CCDC6: variants seen among roughly 807,000 people sequenced by gnomAD.
CCDC6 encodes the protein coiled-coil domain containing 6.
Under a neutral mutation model 56.6 loss-of-function variants are expected in CCDC6, and 20 were observed. The ratio of observed to expected loss-of-function variants is 0.35; its 90% CI spans 0.25 to 0.51. The LOEUF is 0.51. CCDC6 is among the 20% of genes least tolerant of loss of function. The pLI is 0.95. For synonymous variants in CCDC6, 241 were observed against 234.4 expected, an observed-to-expected ratio of 1.03 and a Z score of -0.26; for missense variants, 367 against 601.1, an observed-to-expected ratio of 0.61 and a Z score of 4.07.
chr10:59,902,022 CA>C (rs1430711747), intron 1 of CCDC6, among the ~76,000 whole-genome samples: 19 of 152,162 alleles, frequency 1.2e-4, no homozygotes, highest in Non-Finnish European at 2.1e-4. Context: ...AATAATCACT[CA>C]AAATATTCTA....
intron 5 of CCDC6, among the ~76,000 whole-genome samples, chr10:59,809,689 AG>A (rs1289350430): frequency 6.6e-6 from 1 of 152,168 alleles, no homozygotes; most frequent in African/African-American, 2.4e-5. Flanking sequence ...CCAATATAGT[AG>A]GCCCTCACTT....
At chr10:59,872,184 C>T (rs2071235402) in intron 1 of CCDC6, among the ~76,000 whole-genome samples, 1 of 152,218 alleles carries the variant, frequency 6.6e-6, no homozygotes, top group Non-Finnish European at 1.5e-5. Flanking sequence ...ACCTATCTCA[C>T]TGATGTGCCA....
chr10:59,858,614 A>G (rs982163480), intron 1 of CCDC6, among the ~76,000 whole-genome samples: 19 of 152,212 alleles, frequency 1.2e-4, no homozygotes, highest in Non-Finnish European at 2.1e-4. Context: ...CCCCATCTGC[A>G]GTGGACAGAC....
intron 1 of CCDC6, among the ~76,000 whole-genome samples, chr10:59,877,564 C>T (rs558968660): frequency 6.6e-6 from 1 of 152,300 alleles, no homozygotes; most frequent in Non-Finnish European, 1.5e-5. Flanking sequence ...ATGTGGCCAT[C>T]TGAGGGAAGG....
chr10:59,894,318 G>T (rs1022543803), intron 1 of CCDC6, among the ~76,000 whole-genome samples: 1 of 152,162 alleles, frequency 6.6e-6, no homozygotes, highest in African/African-American at 2.4e-5. Flanking sequence ...ATTTTTCTCG[G>T]CATTCAGGTT....
At chr10:59,794,039 C>T (rs2070491921) in intron 8 of CCDC6, among the ~76,000 whole-genome samples, 1 of 152,168 alleles carries the variant, frequency 6.6e-6, no homozygotes, top group Admixed American at 6.5e-5. Context: ...ACCAGATGCA[C>T]TTAAGCTTCC....
intron 1 of CCDC6, among the ~76,000 whole-genome samples, chr10:59,892,739 G>T (rs2071431972): frequency 6.6e-6 from 1 of 152,082 alleles, no homozygotes; most frequent in African/African-American, 2.4e-5. Flanking sequence ...TGGGATGGGA[G>T]CAAGATTTGT....
At chr10:59,800,973 C>T (rs998232244) in intron 7 of CCDC6, among the ~76,000 whole-genome samples, 14 of 152,166 alleles carry the variant, frequency 9.2e-5, no homozygotes, top group African/African-American at 3.1e-4. Flanking sequence ...CGACTCATGA[C>T]TGAGAAAACA....
intron 3 of CCDC6, among the ~76,000 whole-genome samples, chr10:59,816,832 T>C (rs551114231): frequency 4.8e-4 from 73 of 152,322 alleles, no homozygotes; most frequent in African/African-American, 1.7e-3. Flanking sequence ...TGGCACCTTA[T>C]AGGCCATCAA....
intron 2 of CCDC6, among the ~76,000 whole-genome samples, chr10:59,836,253 C>T (rs1274457995): frequency 1.3e-5 from 2 of 152,030 alleles, no homozygotes; most frequent in African/African-American, 4.8e-5. Context: ...TAAACAGATA[C>T]CATGTAAATT....
At chr10:59,885,173 C>T (rs1002404767) in intron 1 of CCDC6, among the ~76,000 whole-genome samples, 1 of 152,030 alleles carries the variant, frequency 6.6e-6, no homozygotes, top group Non-Finnish European at 1.5e-5. Flanking sequence ...AAAGGAAGAG[C>T]GAAATCTAGT....
At chr10:59,842,176 G>C (rs1219508156) in intron 2 of CCDC6, among the ~76,000 whole-genome samples, 1 of 151,964 alleles carries the variant, frequency 6.6e-6, no homozygotes, top group Non-Finnish European at 1.5e-5. Flanking sequence ...CGAGTAGCTG[G>C]GACTACAGGC....
At chr10:59,887,541 G>A (rs2071391707) in intron 1 of CCDC6, among the ~76,000 whole-genome samples, 1 of 150,970 alleles carries the variant, frequency 6.6e-6, no homozygotes, top group Non-Finnish European at 1.5e-5. Context: ...GGGAGGGGCA[G>A]AACAGAATAT....
chr10:59,862,946 T>C (rs2071147144), intron 1 of CCDC6, among the ~76,000 whole-genome samples: 2 of 152,158 alleles, frequency 1.3e-5, no homozygotes, highest in African/African-American at 2.4e-5. Flanking sequence ...CATTGTGTTG[T>C]TGATCCTTAA....
rs2070764756 is a variant in CCDC6, at chr10:59,823,722, CAT to C, written c.582+8801_582+8802del. 4.6e-5 allele frequency among the ~76,000 whole-genome samples: 7 copies of C among 152,236 alleles called. No homozygotes were observed. The East Asian group carries it at 1.2e-3, about 25-fold the overall frequency. ...AATCATTTCTTTCTTGTCATTACCACATTCATCCCACTTCCTTACATAGGGAT... is the reference window on the plus strand; with the variant it reads ...AATCATTTCTTTCTTGTCATTACCACTCATCCCACTTCCTTACATAGGGAT... On this transcript the variant is annotated intron_variant, in intron 3 of 8. Transcript: ENST00000263102.
intron 2 of CCDC6, among the ~76,000 whole-genome samples, chr10:59,837,520 G>T (rs6479658): frequency 6.6e-6 from 1 of 151,998 alleles, no homozygotes; most frequent in Non-Finnish European, 1.5e-5. Context: ...GAGGTGGGCA[G>T]ATGACCTGAT....
At chr10:59,846,639 TAG>T (rs2070994991) in intron 2 of CCDC6, among the ~76,000 whole-genome samples, 1 of 152,238 alleles carries the variant, frequency 6.6e-6, no homozygotes, top group Non-Finnish European at 1.5e-5. Flanking sequence ...TTATTATAGT[TAG>T]AGCAGCATTA....
intron 1 of CCDC6, among the ~76,000 whole-genome samples, chr10:59,872,792 G>GGGT (rs2071242504): frequency 1.4e-5 from 2 of 140,498 alleles, no homozygotes; most frequent in African/African-American, 2.6e-5. Context: ...GGGGGTGGGG[G>GGGT]AAGGTAACAA....
At chr10:59,843,176 G>A (rs2070957673) in intron 2 of CCDC6, among the ~76,000 whole-genome samples, 1 of 152,174 alleles carries the variant, frequency 6.6e-6, no homozygotes, top group African/African-American at 2.4e-5. Flanking sequence ...GTGAGCCAAC[G>A]CGCCCGGCCA....
Sources: allele counts gnomAD v4.1 joint callset (sites outside exome capture counted in the v4.1 genomes callset), GRCh38; gene constraint gnomAD v4.1.1; transcripts MANE v1.5; gene names NCBI Gene and HGNC (gene_info 2026-07-23, HGNC 2026-07-21).